ANLN: variants seen among roughly 807,000 people sequenced by gnomAD.
The protein encoded by ANLN is anillin.
Under a neutral mutation model 135.1 loss-of-function variants are expected in ANLN, and 59 were observed. The ratio of observed to expected loss-of-function variants is 0.44; its 90% CI spans 0.35 to 0.54. The LOEUF (loss-of-function observed/expected upper bound fraction) is 0.54. Among genes scored for constraint, ANLN ranks in the 20% least tolerant of loss-of-function variants. The pLI is 0.00. For missense variants in ANLN, 1,182 were observed against 1,340.0 expected (o/e 0.88, Z 1.84); for synonymous variants, 406 against 456.4 (o/e 0.89, Z 1.41).
intron 7 of ANLN, among the ~76,000 whole-genome samples, chr7:36,415,261 T>C (rs1417077120): frequency 6.6e-6 from 1 of 152,216 alleles, no homozygotes; most frequent in Non-Finnish European, 1.5e-5. Context: ...TTTCTCTTGC[T>C]CTTACCCTCC....
intron 21 of ANLN, among the ~76,000 whole-genome samples, chr7:36,441,616 A>G (rs181411705): frequency 1.0e-3 from 156 of 152,288 alleles, no homozygotes; most frequent in African/African-American, 3.6e-3. Context: ...TGGCAGCCAG[A>G]AGGTTCAATT....
chr7:36,396,199 A>C (rs1562782747), intron 1 of ANLN, 67 bp from the exon 2 acceptor site: 1 of 1,375,252 alleles, frequency 7.3e-7, no homozygotes, highest in East Asian at 2.4e-5. Context: ...TGATTTTAGA[A>C]GATACTGCAA....
intron 21 of ANLN, among the ~76,000 whole-genome samples, chr7:36,442,851 C>T (rs981053377): frequency 1.3e-5 from 2 of 151,606 alleles, no homozygotes; most frequent in African/African-American, 2.4e-5. Context: ...AGGACGGTCT[C>T]GATCTCCTGA....
chr7:36,414,938 G>C (rs1936280428), intron 7 of ANLN, among the ~76,000 whole-genome samples: 1 of 152,158 alleles, frequency 6.6e-6, no homozygotes, highest in African/African-American at 2.4e-5. Flanking sequence ...CTAACATAGA[G>C]GGTTATTGAG....
intron 20 of ANLN, among the ~76,000 whole-genome samples, chr7:36,436,491 G>C (rs959022701): frequency 5.9e-5 from 9 of 152,166 alleles, no homozygotes; most frequent in African/African-American, 2.2e-4. Context: ...ATATACATAG[G>C]AGCAGAATTG....
At chr7:36,446,855 G>A (rs996956499) in intron 22 of ANLN, among the ~76,000 whole-genome samples, 3 of 152,102 alleles carry the variant, frequency 2.0e-5, no homozygotes, top group Admixed American at 6.5e-5. Flanking sequence ...TTAGGCTCAC[G>A]GTTCTGTTTC....
chr7:36,418,255 C>G (rs993597447), intron 9 of ANLN, among the ~76,000 whole-genome samples: 2 of 152,150 alleles, frequency 1.3e-5, no homozygotes, highest in African/African-American at 2.4e-5. Context: ...CATTCCCTCC[C>G]CCAGGGTATG....
At chr7:36,390,098 C>G in intron 1 of ANLN, 54 bp downstream of exon 1, 1 of 1,611,784 alleles carries the variant, frequency 6.2e-7, no homozygotes, top group Non-Finnish European at 8.5e-7. Flanking sequence ...AGGCCCCCAC[C>G]CACCTTCCTC....
At chr7:36,415,448 A>T (rs1390109699) in intron 7 of ANLN, among the ~76,000 whole-genome samples, 2 of 151,922 alleles carry the variant, frequency 1.3e-5, no homozygotes, top group Non-Finnish European at 2.9e-5. Flanking sequence ...AAATACCCAG[A>T]CTTCAAGGAG....
intron 22 of ANLN, among the ~76,000 whole-genome samples, chr7:36,445,891 C>G (rs374362578): frequency 6.6e-6 from 1 of 152,124 alleles, no homozygotes; most frequent in African/African-American, 2.4e-5. Flanking sequence ...CATATGTCAG[C>G]CTTTTAAACT....
rs1788877404 is a variant in ANLN, at chr7:36,443,804, G to A, written c.3020G>A (p.Cys1007Tyr). 1.2e-6 allele frequency: 2 copies of A among 1,612,988 alleles called. No individual in the cohort carries two copies. The highest frequency in any genetic ancestry group is 1.7e-6 in the Non-Finnish European group (2 of 1,179,410). ...TTTGGTGCCTGGCATCGAAGATGGTGTGTTCTTTCTGGAAACTGTATATCT... is the reference window on the plus strand; with the variant it reads ...TTTGGTGCCTGGCATCGAAGATGGTATGTTCTTTCTGGAAACTGTATATCT... Reference protein sequence around the residue: ...SGFGAWHRRWCVLSGNCISYW... With the variant: ...SGFGAWHRRWYVLSGNCISYW... The change falls in exon 22 of 24, where the codon TGT (cysteine) becomes TAT (tyrosine). Residue 1007 changes from cysteine (C) to tyrosine (Y), a missense_variant. By Grantham distance (194) the Cys-to-Tyr change is radical. Coordinates refer to ENST00000265748, the MANE Select transcript of ANLN (RefSeq NM_018685.5).
At position 36,425,802 on chromosome 7, in the gene ANLN, T is replaced by C. The variant is rs1583632526; in HGVS notation, c.2748+62T>C. The C allele has an allele frequency of 5.3e-6, 8 of 1,514,464 alleles. No individual in the cohort carries two copies. In the East Asian group the frequency reaches 1.8e-4, roughly 34 times the overall value. The allele number at this position is 1,514,464 out of a possible 1,614,324, so 93.8% of individuals were successfully genotyped here. ...AAATCTTCATCTTACCCATACAGTT[T>C]TAAATTGGTTAACCATTTCTGAACC... On this transcript the variant is annotated intron_variant, in intron 18 of 23. Transcript: ENST00000265748.
chr7:36,429,272 G>A (rs1270079751), intron 20 of ANLN, among the ~76,000 whole-genome samples: 1 of 151,980 alleles, frequency 6.6e-6, no homozygotes, highest in African/African-American at 2.4e-5. Flanking sequence ...CCAAGCTGGA[G>A]TGCAGTGGCA....
chr7:36,452,402 TCCCTAGCAAG>T, intron 23 of ANLN, 65 bp from the exon 24 acceptor site: 1 of 1,572,254 alleles, frequency 6.4e-7, no homozygotes, highest in Admixed American at 1.8e-5. Context: ...GTCATTTTTT[TCCCTAGCAAG>T]AGTACATGGG....
chr7:36,444,933 A>C (rs1388245420), intron 22 of ANLN, among the ~76,000 whole-genome samples: 1 of 151,954 alleles, frequency 6.6e-6, no homozygotes, highest in Non-Finnish European at 1.5e-5. Context: ...TTAATATTTT[A>C]AAAATTTGTG....
chr7:36,449,002 A>G (rs982253345), intron 22 of ANLN: 1 of 152,240 alleles, frequency 6.6e-6, no homozygotes, highest in African/African-American at 2.4e-5. Flanking sequence ...AGAGGTTGTT[A>G]CTGTTTTTTC....
At chr7:36,413,513 A>G (rs537742114) in intron 7 of ANLN, among the ~76,000 whole-genome samples, 102 of 152,360 alleles carry the variant, frequency 6.7e-4, no homozygotes, top group Non-Finnish European at 1.3e-3. Flanking sequence ...AGTATAGAGC[A>G]GGGTTCTTAA....
intron 1 of ANLN, among the ~76,000 whole-genome samples, chr7:36,395,828 T>C (rs1786672065): frequency 6.6e-6 from 1 of 152,126 alleles, no homozygotes; most frequent in East Asian, 1.9e-4. Context: ...ATGTGTCTCC[T>C]CTAGTAGACT....
At chr7:36,394,716 A>G (rs1476971753) in intron 1 of ANLN, among the ~76,000 whole-genome samples, 1 of 151,660 alleles carries the variant, frequency 6.6e-6, no homozygotes, top group Non-Finnish European at 1.5e-5. Flanking sequence ...TTGTTACTGT[A>G]TTTTAAGGAA....
Sources: allele counts gnomAD v4.1 joint callset (sites outside exome capture counted in the v4.1 genomes callset), GRCh38; gene constraint gnomAD v4.1.1; transcripts MANE v1.5; gene names NCBI Gene and HGNC (gene_info 2026-07-23, HGNC 2026-07-21).